The following GALNT18 variants were observed in gnomAD, a reference collection of about 807,000 sequenced individuals.
GALNT18 encodes GalNAc-transferase 18.
A neutral mutation model predicts 69.5 loss-of-function variants in GALNT18; 44 were observed. The observed-to-expected ratio is 0.63, with a 90% CI of 0.50 to 0.81. The LOEUF (loss-of-function observed/expected upper bound fraction) is 0.81. GALNT18 is among the 40% of genes least tolerant of loss of function. The pLI is 0.00. For missense variants in GALNT18, 715 were observed against 810.0 expected (o/e 0.88, Z 1.42); for synonymous variants, 364 against 318.2 (o/e 1.14, Z -1.53).
chr11:11,332,758 C>T lies in GALNT18; in HGVS notation c.1352G>A (p.Arg451Gln), dbSNP rs372293544. The T allele has an allele frequency of 3.8e-5, 61 of 1,613,956 alleles. No homozygotes were observed. Among genetic ancestry groups the T allele is most frequent in the Non-Finnish European group, 4.7e-5 (56 of 1,179,994 alleles). The change falls in exon 8 of 11, where the codon CGG (arginine) becomes CAG (glutamine). Residue 451 changes from arginine (R) to glutamine (Q), a missense_variant. Transcript: ENST00000227756. The surrounding 1 kb of genome is among the most constrained non-coding windows in gnomAD (Gnocchi z 4.3). The part of the protein sequence containing the change: ...LRKQLQCKTF[R>Q]WYLVSVYPEM... ...TGGGTACACGCTGACCAGGTACCAC[C>T]GGAAGGTCTTGCACTGCAGCTGTTT...
At chr11:11,534,437 T>G (rs1229100519) in intron 1 of GALNT18, among the ~76,000 whole-genome samples, 6 of 152,244 alleles carry the variant, frequency 3.9e-5, no homozygotes, top group African/African-American at 1.2e-4. Flanking sequence ...TCAACAGACA[T>G]TTGCTCAATG....
intron 6 of GALNT18, among the ~76,000 whole-genome samples, chr11:11,367,931 T>G (rs982638701): frequency 6.6e-6 from 1 of 152,322 alleles, no homozygotes; most frequent in African/African-American, 2.4e-5. Flanking sequence ...CATTAACAAC[T>G]GTGCCATACT....
At chr11:11,282,719 C>T (rs1197632887) in intron 10 of GALNT18, among the ~76,000 whole-genome samples, 2 of 152,118 alleles carry the variant, frequency 1.3e-5, no homozygotes, top group African/African-American at 4.8e-5. Flanking sequence ...TCTGAGGGCC[C>T]TCTGCAGAGA....
rs2133036858 is a variant in GALNT18 at position 11,318,801 on chromosome 11, T to A, written c.1512+8285A>T. ...AAAGAGGGGAAGTGGCCTGTCCTTT[T>A]AATATTATCCTGGGACATTAACGGG... On this transcript the variant is annotated intron_variant, in intron 9 of 10. Transcript: ENST00000227756. This position sits in a 1 kb window ranked among gnomAD's most constrained non-coding sequence, Gnocchi z 5.1. Among the ~76,000 whole-genome samples, 1 of 152,304 alleles carries A rather than the reference T, an allele frequency of 6.6e-6. No individual in the cohort carries two copies. Among genetic ancestry groups the A allele is most frequent in the East Asian group, 1.9e-4 (1 of 5,178 alleles).
chr11:11,273,223 GCTT>G (rs1313486086), intron 10 of GALNT18, among the ~76,000 whole-genome samples: 1 of 147,466 alleles, frequency 6.8e-6, no homozygotes, highest in South Asian at 2.2e-4. Flanking sequence ...AAGTTAAAAA[GCTT>G]CTGCACAGCA....
intron 1 of GALNT18, among the ~76,000 whole-genome samples, chr11:11,458,190 A>G (rs1855964796): frequency 6.6e-6 from 1 of 152,236 alleles, no homozygotes; most frequent in Non-Finnish European, 1.5e-5. Flanking sequence ...TGAGATGGAA[A>G]CCGACTGTCA....
intron 1 of GALNT18, among the ~76,000 whole-genome samples, chr11:11,492,711 C>T (rs1276720533): frequency 8.0e-6 from 1 of 125,556 alleles, no homozygotes. Context: ...AACACATGGA[C>T]ACAGAGAGGG....
At chr11:11,612,085 G>A (rs543585033) in intron 1 of GALNT18, among the ~76,000 whole-genome samples, 9 of 152,234 alleles carry the variant, frequency 5.9e-5, no homozygotes, top group African/African-American at 1.9e-4. Flanking sequence ...CATTGGTTTT[G>A]TAGCCAGTTT....
intron 3 of GALNT18, among the ~76,000 whole-genome samples, chr11:11,391,908 T>C (rs1415607243): frequency 2.6e-5 from 4 of 152,232 alleles, no homozygotes; most frequent in Non-Finnish European, 4.4e-5. Context: ...CCCTGACAGA[T>C]CTGCTACGCC....
At chr11:11,460,749 G>A (rs1216323943) in intron 1 of GALNT18, among the ~76,000 whole-genome samples, 1 of 150,050 alleles carries the variant, frequency 6.7e-6, no homozygotes, top group Non-Finnish European at 1.5e-5. Flanking sequence ...TTGGACTTCG[G>A]TGTTGGTATT....
In GALNT18 at chr11:11,540,036, C is replaced by A. The variant is rs1056269649; in HGVS notation, c.235+81323G>T. Among the ~76,000 whole-genome samples the A allele has an allele frequency of 6.6e-6, 1 of 152,176 alleles. No individual in the cohort carries two copies. The highest frequency in any genetic ancestry group is 1.5e-5 in the Non-Finnish European group (1 of 68,028). ...TGCACAGGGGACCCCGATGCCAGTC[C>A]GGCACTTGCAGCCTGGCCTCTGGGC... is the stretch of plus-strand genomic sequence containing the variant. On this transcript the variant is annotated intron_variant, in intron 1 of 10. Coordinates refer to ENST00000227756, the MANE Select transcript of GALNT18 (RefSeq NM_198516.3). This position sits in a 1 kb window ranked among gnomAD's most constrained non-coding sequence, Gnocchi z 4.6.
At chr11:11,329,312 G>C (rs142463624) in intron 8 of GALNT18, among the ~76,000 whole-genome samples, 178 of 152,276 alleles carry the variant, frequency 1.2e-3, no homozygotes, top group African/African-American at 3.7e-3. Context: ...CTATGTGTCA[G>C]GTACCATGTG....
chr11:11,483,771 G>A (rs1856584838), intron 1 of GALNT18, among the ~76,000 whole-genome samples: 1 of 152,204 alleles, frequency 6.6e-6, no homozygotes, highest in African/African-American at 2.4e-5. Context: ...GGCAGGTGAT[G>A]GGGGCTGTGA....
chr11:11,317,044 G>A (rs779984323), intron 9 of GALNT18, among the ~76,000 whole-genome samples: 5 of 152,164 alleles, frequency 3.3e-5, no homozygotes, highest in South Asian at 2.1e-4. Flanking sequence ...GAAATTTTCC[G>A]GGCTGTTACA....
intron 3 of GALNT18, among the ~76,000 whole-genome samples, chr11:11,381,985 T>C (rs901203883): frequency 2.0e-5 from 3 of 152,236 alleles, no homozygotes; most frequent in Non-Finnish European, 2.9e-5. Flanking sequence ...GAACTCCTGA[T>C]GCACAGGAAA....
Position 11,327,116 on chromosome 11 carries a change from G to A in GALNT18, c.1482C>T (p.Ile494=). ...DQGPDTENVP[I]MYICHGMTPQ... ...GCGTCATCCCATGGCAGATGTACATGATGGGGACATTCTCTGTATCTGGCC... is the reference window on the plus strand; with the variant it reads ...GCGTCATCCCATGGCAGATGTACATAATGGGGACATTCTCTGTATCTGGCC... The change falls in exon 9 of 11, where the codon ATC becomes ATT. Residue 494 remains isoleucine, a synonymous_variant. Coordinates refer to ENST00000227756, the MANE Select transcript of GALNT18 (RefSeq NM_198516.3). 6.2e-7 allele frequency: 1 copy of A among 1,613,798 alleles called. No individual in the cohort carries two copies. Among genetic ancestry groups the A allele is most frequent in the Non-Finnish European group, 8.5e-7 (1 of 1,179,708 alleles).
In GALNT18 at chr11:11,586,470, G is replaced by T. The variant is rs928693277; in HGVS notation, c.235+34889C>A. Reference sequence around the variant, plus strand: ...TGGCTTAAACTATAGCTAAAAGATAGGAAATTCTACCTGTTCAGGGCCCAG... The same window carrying T: ...TGGCTTAAACTATAGCTAAAAGATATGAAATTCTACCTGTTCAGGGCCCAG... On this transcript the variant is annotated intron_variant, in intron 1 of 10. Transcript: ENST00000227756. This position sits in a 1 kb window ranked among gnomAD's most constrained non-coding sequence, Gnocchi z 4.1. Among the ~76,000 whole-genome samples, 1 of 152,096 alleles carries T rather than the reference G, an allele frequency of 6.6e-6. No individual in the cohort carries two copies. Among genetic ancestry groups the T allele is most frequent in the Non-Finnish European group, 1.5e-5 (1 of 68,004 alleles).
At chr11:11,520,735 T>C (rs1227585466) in intron 1 of GALNT18, among the ~76,000 whole-genome samples, 2 of 152,078 alleles carry the variant, frequency 1.3e-5, no homozygotes, top group African/African-American at 2.4e-5. Context: ...AAAGATGGGG[T>C]GGCCTGCACA....
At chr11:11,431,725 C>A (rs1307552608) in intron 3 of GALNT18, among the ~76,000 whole-genome samples, 1 of 152,174 alleles carries the variant, frequency 6.6e-6, no homozygotes, top group African/African-American at 2.4e-5. Flanking sequence ...CTCATTACAG[C>A]AACTGATTCA....
Sources: gnomAD v4.1 joint callset for allele counts (sites outside exome capture counted in the v4.1 genomes callset) on GRCh38, gnomAD v4.1.1 for gene constraint, Gnocchi (gnomAD v3.1) non-coding constraint, MANE v1.5 for transcripts, NCBI Gene and HGNC (gene_info 2026-07-23, HGNC 2026-07-21) for gene names.